Variants in SLC25A19 observed in about 807,000 individuals in gnomAD.
SLC25A19 encodes the protein mitochondrial thiamine pyrophosphate carrier.
SLC25A19 carries 18 observed loss-of-function variants against 27.9 expected under a neutral mutation model. The observed-to-expected ratio is 0.64, with a 90% CI of 0.45 to 0.96. The LOEUF (loss-of-function observed/expected upper bound fraction) is 0.96, where lower values mean the gene tolerates loss of function less well. Among genes scored for constraint, SLC25A19 ranks in the 40% least tolerant of loss-of-function variants. SLC25A19 has a pLI of 0.00. For missense variants in SLC25A19, 371 were observed against 418.3 expected (o/e 0.89, Z 0.99); for synonymous variants, 169 against 167.1 (o/e 1.01, Z -0.09).
chr17:75,280,949 C>CAAA (rs557623020), intron 5 of SLC25A19, among the ~76,000 whole-genome samples: 2 of 87,844 alleles, frequency 2.3e-5, no homozygotes, highest in East Asian at 3.2e-4. Flanking sequence ...AAACAACAAC[C>CAAA]AAAAAAAAAA....
intron 7 of SLC25A19, 79 bp from the exon 8 acceptor site, chr17:75,273,718 A>G (rs1402275979): frequency 7.5e-7 from 1 of 1,327,290 alleles, no homozygotes; most frequent in African/African-American, 1.4e-5. Context: ...CACAGATCTT[A>G]AGAAGTACTT....
At position 75,278,176 on chromosome 17, in the gene SLC25A19, T is replaced by C. The variant is rs1288830426; in HGVS notation, c.619A>G (p.Ile207Val). ...CCATTTTTCTTTCCTTCGGCTGGTA[T>C]GGCCCACTTGTACAGGTGCTTCAAG... ...SSLKHLYKWA[I>V]PAEGKKNENL... The change falls in exon 6 of 8, where the codon ATA becomes GTA. Residue 207 changes from isoleucine (I) to valine (V), a missense_variant. Coordinates refer to ENST00000416858, the MANE Select transcript of SLC25A19 (RefSeq NM_001126121.2). 6.2e-7 allele frequency: 1 copy of C among 1,613,822 alleles called. No individual in the cohort carries two copies. Among genetic ancestry groups the C allele is most frequent in the Non-Finnish European group, 8.5e-7 (1 of 1,180,022 alleles).
At chr17:75,276,105 C>T (rs1198254748) in intron 7 of SLC25A19, among the ~76,000 whole-genome samples, 1 of 152,042 alleles carries the variant, frequency 6.6e-6, no homozygotes, top group African/African-American at 2.4e-5. Flanking sequence ...GAAACCCCGT[C>T]TCTACTAAAA....
intron 5 of SLC25A19, among the ~76,000 whole-genome samples, chr17:75,282,988 C>CAAACAAAACAAAACAGAACAAAACA (rs2078079122): frequency 6.7e-6 from 1 of 149,294 alleles, no homozygotes; most frequent in African/African-American, 2.5e-5. Context: ...GACTCTGTCT[C>CAAACAAAACAAAACAGAACAAAACA]AAAATAAATA....
In SLC25A19 at chr17:75,286,392, C is replaced by A; in HGVS notation, c.200G>T (p.Arg67Met). The change falls in exon 4 of 8, where the codon AGG becomes ATG. Residue 67 changes from arginine to methionine, a missense_variant. By Grantham distance (91) the Arg-to-Met change is moderately conservative. Transcript: ENST00000416858. ...AKYHGILQAS[R>M]QILQEEGPTA... ...CGGACCCTCCTCCTGCAGAATCTGC[C>A]TAGAGGCCTGGAGGATGCCATGGTA... The A allele has an allele frequency of 6.2e-7, 1 of 1,614,184 alleles. No homozygotes were observed. Among genetic ancestry groups the A allele is most frequent in the Non-Finnish European group, 8.5e-7 (1 of 1,180,052 alleles).
chr17:75,279,325 T>C (rs1723887135), intron 5 of SLC25A19, among the ~76,000 whole-genome samples: 1 of 152,066 alleles, frequency 6.6e-6, no homozygotes, highest in African/African-American at 2.4e-5. Context: ...TGTTGTAAAA[T>C]TTTTTATCGT....
At chr17:75,286,185 G>T in intron 4 of SLC25A19, 119 bp downstream of exon 4, 1 of 1,275,540 alleles carries the variant, frequency 7.8e-7, no homozygotes, top group Non-Finnish European at 1.1e-6. Flanking sequence ...CAGGTGGGAA[G>T]CGTGGGGCCT....
At chr17:75,286,251 C>G (rs764038075) in intron 4 of SLC25A19, 53 bp downstream of exon 4, 34 of 1,604,902 alleles carry the variant, frequency 2.1e-5, no homozygotes, top group Non-Finnish European at 2.9e-5. Flanking sequence ...TCCCTCTGCT[C>G]CTCCACTGAG....
intron 4 of SLC25A19, among the ~76,000 whole-genome samples, chr17:75,284,633 C>CA (rs776356552): frequency 0.048 from 5,415 of 112,262 alleles, 757 homozygotes; most frequent in African/African-American, 0.12. Context: ...TCAGATCTTT[C>CA]TTTTTTTTTT....
At position 75,277,470 on chromosome 17, in the gene SLC25A19, G is replaced by A; in HGVS notation, c.657C>T (p.Asn219=). Reference sequence around the variant, plus strand: ...CACCAGCTCCACTGCCACAAAGCAGGTTTTGGAGGTTCTCTGAACCAGAGA... The same window carrying A: ...CACCAGCTCCACTGCCACAAAGCAGATTTTGGAGGTTCTCTGAACCAGAGA... ...AEGKKNENLQ[N]LLCGSGAGVI... is the part of the protein sequence containing the mutation. Residue 219 remains asparagine, a synonymous_variant, in exon 7 of 8, where the codon AAC becomes AAT. Coordinates refer to ENST00000416858, the MANE Select transcript of SLC25A19 (RefSeq NM_001126121.2). 1 of 1,614,042 alleles carries A rather than the reference G, an allele frequency of 6.2e-7. No individual in the cohort carries two copies. The highest frequency in any genetic ancestry group is 2.2e-5 in the East Asian group (1 of 44,882).
In SLC25A19 at chr17:75,283,468, G is replaced by C; in HGVS notation, c.414C>G (p.Pro138=). 2 of 1,612,876 alleles carry C rather than the reference G, an allele frequency of 1.2e-6. No homozygotes were observed. Among genetic ancestry groups the C allele is most frequent in the Non-Finnish European group, 1.7e-6 (2 of 1,179,818 alleles). The change falls in exon 5 of 8, where the codon CCC becomes CCG. Residue 138 remains proline, a synonymous_variant. Coordinates refer to ENST00000416858, the MANE Select transcript of SLC25A19 (RefSeq NM_001126121.2). ...CAAAGCGGGTGCGCAGAACATCCAC[G>C]GGGTGCACAGTGAGGGTGGCCATAC... is the stretch of plus-strand genomic sequence containing the variant. ...AACMATLTVH[P]VDVLRTRFAA... is the part of the protein sequence containing the mutation.
chr17:75,286,595 G>A (rs1385406589), intron 3 of SLC25A19, 38 bp downstream of exon 3: 1 of 1,613,990 alleles, frequency 6.2e-7, no homozygotes, highest in Non-Finnish European at 8.5e-7. Flanking sequence ...GACTGAACTT[G>A]TCCTCCAGTC....
At chr17:75,285,085 A>T (rs1434744492) in intron 4 of SLC25A19, among the ~76,000 whole-genome samples, 2 of 151,028 alleles carry the variant, frequency 1.3e-5, no homozygotes, top group African/African-American at 4.9e-5. Flanking sequence ...GGTGTGTACC[A>T]CCATATCTGG....
At chr17:75,273,698 C>G in intron 7 of SLC25A19, 59 bp from the exon 8 acceptor site, 3 of 1,458,042 alleles carry the variant, frequency 2.1e-6, no homozygotes, top group Non-Finnish European at 2.9e-6. Flanking sequence ...CAACACAGCC[C>G]CTGGCACATC....
At chr17:75,279,743 G>A (rs1026877817) in intron 5 of SLC25A19, among the ~76,000 whole-genome samples, 6 of 152,148 alleles carry the variant, frequency 3.9e-5, no homozygotes, top group Admixed American at 3.9e-4. Flanking sequence ...TCCTGACCTT[G>A]TGATCCGCCC....
intron 5 of SLC25A19, among the ~76,000 whole-genome samples, 186 bp from the exon 6 acceptor site, chr17:75,278,521 T>G (rs554711832): frequency 1.3e-5 from 2 of 152,196 alleles, no homozygotes; most frequent in South Asian, 2.1e-4. Flanking sequence ...AAACTCCCCC[T>G]TCTACACATG....
At chr17:75,281,898 A>G (rs1190024554) in intron 5 of SLC25A19, among the ~76,000 whole-genome samples, 1 of 152,192 alleles carries the variant, frequency 6.6e-6, no homozygotes, top group East Asian at 1.9e-4. Context: ...TGCTGCCCAC[A>G]GTCATGGGTT....
chr17:75,278,739 T>G (rs1330568810), intron 5 of SLC25A19, among the ~76,000 whole-genome samples: 1 of 152,000 alleles, frequency 6.6e-6, no homozygotes, highest in African/African-American at 2.4e-5. Flanking sequence ...CCCAGCACTT[T>G]GGGGAGGCTG....
At position 75,277,501 on chromosome 17, in the gene SLC25A19, G is replaced by A. The variant is rs200104031; in HGVS notation, c.644-18C>T. 2 of 1,613,578 alleles carry A rather than the reference G, an allele frequency of 1.2e-6. No individual in the cohort carries two copies. Among genetic ancestry groups the A allele is most frequent in the Non-Finnish European group, 1.7e-6 (2 of 1,179,756 alleles). ...GAGGTTCTCTGAACCAGAGAAGTGG[G>A]ATTGGGAGAATGGATGAGAGAAATG... On this transcript the variant is annotated intron_variant, in intron 6 of 7. Coordinates refer to ENST00000416858, the MANE Select transcript of SLC25A19 (RefSeq NM_001126121.2).
Sources: gnomAD v4.1 joint callset for allele counts (sites outside exome capture counted in the v4.1 genomes callset) on GRCh38, gnomAD v4.1.1 for gene constraint, MANE v1.5 for transcripts, NCBI Gene and HGNC (gene_info 2026-07-23, HGNC 2026-07-21) for gene names.